Variants in ZNF536 observed in about 807,000 individuals in gnomAD.
ZNF536 encodes the protein zinc finger protein 536.
ZNF536 carries 13 observed loss-of-function variants against 84.5 expected under a neutral mutation model. That is an observed-to-expected ratio of 0.15 (90% CI 0.10 to 0.24). ZNF536 has a LOEUF of 0.24. Among genes scored for constraint, ZNF536 ranks in the 10% least tolerant of loss-of-function variants. The pLI is 1.00. For synonymous variants in ZNF536, 811 were observed against 742.5 expected (o/e 1.09, Z -1.50); for missense variants, 1,536 against 1,747.5 (o/e 0.88, Z 2.16).
chr19:30,603,818 G>A (rs1363810713), intron 1 of ZNF536, among the ~76,000 whole-genome samples: 3 of 152,096 alleles, frequency 2.0e-5, no homozygotes, highest in Admixed American at 2.0e-4. Flanking sequence ...GGCCAGGCAC[G>A]GTGGCTCATG....
At chr19:30,506,124 GA>G (rs1208757502) in intron 2 of ZNF536, among the ~76,000 whole-genome samples, 1 of 151,488 alleles carries the variant, frequency 6.6e-6, no homozygotes, top group Non-Finnish European at 1.5e-5. Context: ...TTCATTTATG[GA>G]AAATGAATAT....
intron 1 of ZNF536, among the ~76,000 whole-genome samples, chr19:30,706,289 C>T (rs2052223520): frequency 6.6e-6 from 1 of 152,074 alleles, no homozygotes; most frequent in African/African-American, 2.4e-5. Flanking sequence ...TTGAGACCAT[C>T]CTGGCTAACA....
chr19:30,451,070 C>A (rs1390262050), intron 2 of ZNF536, among the ~76,000 whole-genome samples: 2 of 152,278 alleles, frequency 1.3e-5, no homozygotes, highest in Non-Finnish European at 2.9e-5. Context: ...GGACGCCGGC[C>A]AAGGCCCGTC....
intron 2 of ZNF536, among the ~76,000 whole-genome samples, chr19:30,347,708 C>T (rs899711187): frequency 6.6e-6 from 1 of 152,192 alleles, no homozygotes; most frequent in African/African-American, 2.4e-5. Context: ...CCAGGGGTCT[C>T]ATTGTCAGAA....
intron 2 of ZNF536, among the ~76,000 whole-genome samples, chr19:30,516,845 A>T (rs529398446): frequency 6.6e-6 from 1 of 152,154 alleles, no homozygotes; most frequent in Non-Finnish European, 1.5e-5. Flanking sequence ...AGGCTTCGTG[A>T]AGTGGTGATG....
At chr19:30,458,134 C>T (rs532708352) in intron 2 of ZNF536, among the ~76,000 whole-genome samples, 1 of 152,168 alleles carries the variant, frequency 6.6e-6, no homozygotes. Context: ...CACTTTGGAG[C>T]CGGGCCCCAC....
At chr19:30,594,326 G>A (rs1328396277) in intron 1 of ZNF536, among the ~76,000 whole-genome samples, 1 of 152,170 alleles carries the variant, frequency 6.6e-6, no homozygotes, top group Admixed American at 6.5e-5. Context: ...AGAAAGGCAG[G>A]GGCCAGGCCA....
At chr19:30,397,277 A>C (rs893430812) in intron 1 of ZNF536, among the ~76,000 whole-genome samples, 3 of 152,248 alleles carry the variant, frequency 2.0e-5, no homozygotes, top group Non-Finnish European at 4.4e-5. Context: ...CTCTGGCATG[A>C]GGACTCTCCA....
intron 1 of ZNF536, among the ~76,000 whole-genome samples, chr19:30,421,882 A>G (rs2050975131): frequency 6.6e-6 from 1 of 152,262 alleles, no homozygotes; most frequent in African/African-American, 2.4e-5. Flanking sequence ...CCAGAATTTA[A>G]TAACATTGTT....
intron 1 of ZNF536, among the ~76,000 whole-genome samples, chr19:30,594,582 C>T (rs1396111754): frequency 2.6e-4 from 40 of 152,158 alleles, no homozygotes; most frequent in Non-Finnish European, 5.9e-4. Context: ...AAATAGCTGC[C>T]TTGACCAGAT....
intron 1 of ZNF536, among the ~76,000 whole-genome samples, chr19:30,402,822 T>TATATATAA (rs1331644147): frequency 7.0e-6 from 1 of 142,556 alleles, no homozygotes; most frequent in Non-Finnish European, 1.5e-5. Flanking sequence ...TATATATATA[T>TATATATAA]AATTTTCAAA....
At chr19:30,424,303 G>A (rs1006414422) in intron 1 of ZNF536, among the ~76,000 whole-genome samples, 5 of 152,158 alleles carry the variant, frequency 3.3e-5, no homozygotes, top group Non-Finnish European at 5.9e-5. Context: ...GGGCTTCTGG[G>A]CTTTATAATG....
rs73924292 is a variant in ZNF536 at position 30,286,158 on chromosome 19, C to T, written c.-120+2017C>T. Among the ~76,000 whole-genome samples the T allele has an allele frequency of 9.7e-3, 1,480 of 152,312 alleles. 29 individuals carry two copies. Among genetic ancestry groups the T allele is most frequent in the African/African-American group, 0.034 (1,406 of 41,562 alleles). On this transcript the variant is annotated intron_variant, in intron 2 of 5. Coordinates refer to the ZNF536 transcript ENST00000585628. ...TTCCACTTAAATCCCATTATAATCA[C>T]GCTCATGATTGATAACATTCCACCT...
At chr19:30,272,539 G>T (rs780459317) in intron 1 of ZNF536, among the ~76,000 whole-genome samples, 6 of 152,114 alleles carry the variant, frequency 3.9e-5, no homozygotes, top group Non-Finnish European at 7.4e-5. Flanking sequence ...CATACAGAGT[G>T]GTTTCACTGC....
chr19:30,447,711 T>G (rs1427564108), intron 2 of ZNF536, among the ~76,000 whole-genome samples: 1 of 152,156 alleles, frequency 6.6e-6, no homozygotes, highest in Non-Finnish European at 1.5e-5. Context: ...CTTTCTGGCC[T>G]CCTAGGATGA....
intron 2 of ZNF536, among the ~76,000 whole-genome samples, chr19:30,340,353 G>A (rs1163712356): frequency 1.3e-5 from 2 of 152,170 alleles, no homozygotes; most frequent in Admixed American, 6.5e-5. Flanking sequence ...AGTCAGTCGG[G>A]TCCCGGAGGG....
chr19:30,527,830 G>C (rs1020144400), intron 2 of ZNF536, among the ~76,000 whole-genome samples: 1 of 152,164 alleles, frequency 6.6e-6, no homozygotes, highest in Non-Finnish European at 1.5e-5. Flanking sequence ...TTTCCCCAAG[G>C]TGTCGGTATT....
intron 2 of ZNF536, among the ~76,000 whole-genome samples, chr19:30,533,008 C>T (rs1007200808): frequency 2.0e-5 from 3 of 152,144 alleles, no homozygotes; most frequent in Non-Finnish European, 4.4e-5. Context: ...TAACTTCCTA[C>T]TTGTGCAAAA....
intron 1 of ZNF536, among the ~76,000 whole-genome samples, chr19:30,643,386 G>A (rs967122483): frequency 6.6e-6 from 1 of 152,328 alleles, no homozygotes; most frequent in Non-Finnish European, 1.5e-5. Context: ...ATGATGTCAC[G>A]TCCCTGCTGG....
Sources: allele counts gnomAD v4.1 joint callset (sites outside exome capture counted in the v4.1 genomes callset), GRCh38; gene constraint gnomAD v4.1.1; transcripts MANE v1.5; gene names NCBI Gene and HGNC (gene_info 2026-07-23, HGNC 2026-07-21).